CTNNA2: variants seen among roughly 807,000 people sequenced by gnomAD.
CTNNA2 encodes the protein catenin alpha-2.
CTNNA2 carries 42 observed loss-of-function variants against 101.0 expected under a neutral mutation model. The ratio of observed to expected loss-of-function variants is 0.42; its 90% CI spans 0.32 to 0.54. The LOEUF (loss-of-function observed/expected upper bound fraction) is 0.54, where lower values mean the gene tolerates loss of function less well. Among genes scored for constraint, CTNNA2 ranks in the 20% least tolerant of loss-of-function variants. CTNNA2 has a pLI of 0.14. For missense variants in CTNNA2, 871 were observed against 1,223.1 expected, an observed-to-expected ratio of 0.71 and a Z score of 4.29; for synonymous variants, 450 against 456.4, an observed-to-expected ratio of 0.99 and a Z score of 0.18.
chr2:80,368,867 G>GTGTGTATATATATA (rs112571951), intron 7 of CTNNA2, among the ~76,000 whole-genome samples: 2 of 144,732 alleles, frequency 1.4e-5, no homozygotes, highest in African/African-American at 5.2e-5. Flanking sequence ...GTGTGTGTGT[G>GTGTGTATATATATA]TATATATATA....
At chr2:79,627,793 T>C (rs2104334395) in intron 1 of CTNNA2, among the ~76,000 whole-genome samples, 1 of 152,334 alleles carries the variant, frequency 6.6e-6, no homozygotes, top group Admixed American at 6.5e-5. Flanking sequence ...ATTTATTTAG[T>C]GTATGACTAC....
intron 7 of CTNNA2, among the ~76,000 whole-genome samples, chr2:79,990,161 A>G (rs1410163995): frequency 2.0e-5 from 3 of 152,156 alleles, no homozygotes; most frequent in Non-Finnish European, 4.4e-5. Context: ...AGGTAGATTT[A>G]GAAAGATGTG....
At chr2:80,213,307 G>T (rs1249914918) in intron 7 of CTNNA2, among the ~76,000 whole-genome samples, 2 of 151,912 alleles carry the variant, frequency 1.3e-5, no homozygotes, top group Admixed American at 1.3e-4. Context: ...TGTGATGTTA[G>T]GGTGTCAATT....
intron 7 of CTNNA2, among the ~76,000 whole-genome samples, chr2:80,014,147 T>C (rs1693974514): frequency 6.6e-6 from 1 of 152,204 alleles, no homozygotes; most frequent in Non-Finnish European, 1.5e-5. Flanking sequence ...TTATTGCTCA[T>C]TGACTGGTAC....
intron 3 of CTNNA2, among the ~76,000 whole-genome samples, chr2:79,343,791 T>C (rs1377443340): frequency 2.0e-5 from 3 of 152,020 alleles, no homozygotes; most frequent in Non-Finnish European, 4.4e-5. Flanking sequence ...TATTTTGTCC[T>C]CATCTTTCTG....
At chr2:79,201,087 T>TCC (rs530114431) in intron 2 of CTNNA2, among the ~76,000 whole-genome samples, 4 of 149,574 alleles carry the variant, frequency 2.7e-5, no homozygotes, top group African/African-American at 9.9e-5. Context: ...ATAAAACATT[T>TCC]CCCCCCCCCT....
chr2:79,492,119 G>A (rs908313759), intron 4 of CTNNA2, among the ~76,000 whole-genome samples: 10 of 151,904 alleles, frequency 6.6e-5, no homozygotes, highest in Non-Finnish European at 1.0e-4. Context: ...AATTGATATT[G>A]TATGTACCTA....
At chr2:80,335,151 G>C (rs935276778) in intron 7 of CTNNA2, among the ~76,000 whole-genome samples, 1 of 152,204 alleles carries the variant, frequency 6.6e-6, no homozygotes, top group Non-Finnish European at 1.5e-5. Context: ...TGTAGACAGG[G>C]AGAAAACTTT....
intron 7 of CTNNA2, among the ~76,000 whole-genome samples, chr2:80,376,483 G>T (rs1230921266): frequency 6.7e-6 from 1 of 148,700 alleles, no homozygotes; most frequent in African/African-American, 2.5e-5. Flanking sequence ...AAAAAAAAAC[G>T]GTAAGTAAAT....
At position 79,874,244 on chromosome 2, in the gene CTNNA2, G is replaced by A. The variant is rs762403109; in HGVS notation, c.754G>A (p.Ala252Thr). 9.3e-6 allele frequency: 15 copies of A among 1,613,926 alleles called. No homozygotes were observed. Among genetic ancestry groups the A allele is most frequent in the South Asian group, 3.3e-5 (3 of 91,070 alleles). The change falls in exon 6 of 19, where the codon GCC becomes ACC. Residue 252 changes from alanine (A) to threonine (T), a missense_variant. By Grantham distance (58) the Ala-to-Thr change is moderately conservative. Transcript: ENST00000402739. ...YVFKQVQEAI[A>T]GISNAAQATS... ...GTTCAAACAAGTCCAGGAGGCCATC[G>A]CCGGCATCTCCAATGCTGCTCAAGC...
At chr2:80,586,503 G>A (rs1041159153) in intron 14 of CTNNA2, 2 of 152,120 alleles carry the variant, frequency 1.3e-5, no homozygotes, top group Non-Finnish European at 2.9e-5. Context: ...GTATGAGGAG[G>A]ACAATAAACC....
chr2:80,600,118 T>C (rs879828121), intron 15 of CTNNA2, among the ~76,000 whole-genome samples: 1 of 152,086 alleles, frequency 6.6e-6, no homozygotes, highest in African/African-American at 2.4e-5. Context: ...CGGGAAAGGA[T>C]TAACTTTTCA....
chr2:79,343,138 G>T (rs776212783), intron 3 of CTNNA2, among the ~76,000 whole-genome samples: 4 of 152,046 alleles, frequency 2.6e-5, no homozygotes, highest in Non-Finnish European at 4.4e-5. Flanking sequence ...TTTTGCAAAT[G>T]AAGATACAAT....
At chr2:79,961,560 C>T (rs997156747) in intron 7 of CTNNA2, among the ~76,000 whole-genome samples, 4 of 152,174 alleles carry the variant, frequency 2.6e-5, no homozygotes, top group African/African-American at 9.6e-5. Context: ...TGGTGGCTCA[C>T]GCCTGTAATC....
chr2:79,352,214 A>C (rs1558641211), intron 3 of CTNNA2, among the ~76,000 whole-genome samples: 1 of 148,750 alleles, frequency 6.7e-6, no homozygotes, highest in Admixed American at 6.7e-5. Context: ...TGCTTGTATA[A>C]TTTTTTTTTT....
intron 2 of CTNNA2, chr2:79,312,618 G>C (rs1156250126): frequency 6.6e-6 from 1 of 152,166 alleles, no homozygotes; most frequent in Non-Finnish European, 1.5e-5. Flanking sequence ...TTCCAGGATA[G>C]GGGCTAAGGT....
At chr2:80,234,506 T>C (rs1709437749) in intron 7 of CTNNA2, among the ~76,000 whole-genome samples, 2 of 152,192 alleles carry the variant, frequency 1.3e-5, no homozygotes, top group African/African-American at 4.8e-5. Flanking sequence ...GTTCTTTTAC[T>C]CATGACCTCT....
intron 7 of CTNNA2, among the ~76,000 whole-genome samples, chr2:80,308,315 T>G (rs1419846925): frequency 6.6e-6 from 1 of 152,342 alleles, no homozygotes; most frequent in Non-Finnish European, 1.5e-5. Flanking sequence ...TTTGTCAATG[T>G]TCAAGGAAGG....
chr2:80,447,851 G>T (rs1464810639), intron 9 of CTNNA2, among the ~76,000 whole-genome samples: 2 of 152,190 alleles, frequency 1.3e-5, no homozygotes, highest in African/African-American at 4.8e-5. Flanking sequence ...TAGGGATGAA[G>T]ATGAGGTATG....
Sources: allele counts gnomAD v4.1 joint callset (sites outside exome capture counted in the v4.1 genomes callset), GRCh38; gene constraint gnomAD v4.1.1; transcripts MANE v1.5; gene names NCBI Gene and HGNC (gene_info 2026-07-23, HGNC 2026-07-21).